The following RYR2 variants were observed in gnomAD, a reference collection of about 807,000 sequenced individuals.
RYR2 encodes ryanodine receptor 2.
Under a neutral mutation model 601.1 loss-of-function variants are expected in RYR2, and 227 were observed. That is an observed-to-expected ratio of 0.38 (90% CI 0.34 to 0.42). The LOEUF is 0.42. Among genes scored for constraint, RYR2 ranks in the 10% least tolerant of loss-of-function variants. The probability of loss-of-function intolerance (pLI) is 1.00; values close to 1 mark genes in which losing one functional copy is unlikely to be tolerated. For missense variants in RYR2, 4,646 were observed against 6,156.5 expected (o/e 0.75, Z 8.21); for synonymous variants, 2,223 against 2,175.1 (o/e 1.02, Z -0.61).
chr1:237,067,887 A>G (rs1018940530), intron 1 of RYR2, among the ~76,000 whole-genome samples: 1 of 152,284 alleles, frequency 6.6e-6, no homozygotes. Flanking sequence ...ACCTGCAGAC[A>G]TGTCAATTTC....
chr1:237,355,586 T>C (rs1699224701), intron 3 of RYR2, among the ~76,000 whole-genome samples: 1 of 152,192 alleles, frequency 6.6e-6, no homozygotes, highest in African/African-American at 2.4e-5. Context: ...TGTCTCTAAA[T>C]TGATCTTTTT....
At chr1:237,559,690 A>T (rs1350330303) in intron 27 of RYR2, among the ~76,000 whole-genome samples, 1 of 152,142 alleles carries the variant, frequency 6.6e-6, no homozygotes, top group African/African-American at 2.4e-5. Flanking sequence ...TTACCCCTTT[A>T]TGTATGGGAC....
chr1:237,270,322 G>T, intron 1 of RYR2, 175 bp from the exon 2 acceptor site: 1 of 909,834 alleles, frequency 1.1e-6, no homozygotes, highest in Non-Finnish European at 1.7e-6. Flanking sequence ...CAAATAAAAA[G>T]TACGTGAGGG....
chr1:237,091,633 C>T (rs1023263480), intron 1 of RYR2, among the ~76,000 whole-genome samples: 5 of 152,152 alleles, frequency 3.3e-5, no homozygotes, highest in African/African-American at 1.2e-4. Context: ...CCATGTTGCC[C>T]AGGCTGGTCT....
intron 1 of RYR2, among the ~76,000 whole-genome samples, chr1:237,156,593 A>G (rs1412542446): frequency 6.6e-6 from 1 of 152,220 alleles, no homozygotes; most frequent in African/African-American, 2.4e-5. Context: ...ATGCTCTCCT[A>G]TACTAAGTGG....
intron 40 of RYR2, among the ~76,000 whole-genome samples, chr1:237,627,246 C>G (rs1162095852): frequency 6.6e-6 from 1 of 152,218 alleles, no homozygotes; most frequent in South Asian, 2.1e-4. Context: ...AGTAACTTTT[C>G]GCTTTAATAT....
At chr1:237,339,929 C>G (rs545059728) in intron 3 of RYR2, among the ~76,000 whole-genome samples, 3 of 152,154 alleles carry the variant, frequency 2.0e-5, no homozygotes, top group Admixed American at 6.5e-5. Context: ...TTTATTTACT[C>G]GCAAGAGAAA....
chr1:237,421,677 C>T (rs919134968), intron 11 of RYR2, among the ~76,000 whole-genome samples: 2 of 152,064 alleles, frequency 1.3e-5, no homozygotes, highest in Non-Finnish European at 2.9e-5. Context: ...TCTGTATGAA[C>T]CCAAGTTTAT....
At chr1:237,711,682 A>T in intron 70 of RYR2, 63 bp from the exon 71 acceptor site, 2 of 785,668 alleles carry the variant, frequency 2.5e-6, no homozygotes, top group Non-Finnish European at 4.4e-6. Flanking sequence ...GGTTCTGTGT[A>T]ACCTCTAATT....
intron 1 of RYR2, among the ~76,000 whole-genome samples, chr1:237,119,407 T>G (rs1315849030): frequency 6.6e-6 from 1 of 152,174 alleles, no homozygotes; most frequent in Non-Finnish European, 1.5e-5. Flanking sequence ...TTGGGAAAAC[T>G]GCATGTGTGT....
chr1:237,591,515 T>C (rs141222406), intron 31 of RYR2, among the ~76,000 whole-genome samples: 3 of 152,010 alleles, frequency 2.0e-5, no homozygotes, highest in African/African-American at 4.8e-5. Context: ...ACCTTGGACA[T>C]TGAAGGATGC....
At chr1:237,056,950 T>C (rs1282020659) in intron 1 of RYR2, among the ~76,000 whole-genome samples, 3 of 152,322 alleles carry the variant, frequency 2.0e-5, no homozygotes, top group East Asian at 3.9e-4. Flanking sequence ...AGCTGAGAGA[T>C]AATACATTTC....
chr1:237,242,198 T>TTTTTTTG (rs928421124), intron 1 of RYR2, among the ~76,000 whole-genome samples: 31 of 150,612 alleles, frequency 2.1e-4, no homozygotes, highest in African/African-American at 7.6e-4. Flanking sequence ...TCACTGTTTT[T>TTTTTTTG]TTTGTTTGTT....
At chr1:237,798,744 C>T (rs1659582012) in intron 97 of RYR2, among the ~76,000 whole-genome samples, 4 of 151,258 alleles carry the variant, frequency 2.6e-5, no homozygotes, top group Admixed American at 2.6e-4. Context: ...TGTTTCTAAA[C>T]CAGTTGAGTT....
intron 2 of RYR2, among the ~76,000 whole-genome samples, chr1:237,305,257 G>C (rs1693758054): frequency 6.6e-6 from 1 of 152,174 alleles, no homozygotes; most frequent in South Asian, 2.1e-4. Context: ...AGAAGAAATT[G>C]AGCTATAGTC....
At chr1:237,682,637 G>A (rs1685992665) in intron 62 of RYR2, among the ~76,000 whole-genome samples, 1 of 152,120 alleles carries the variant, frequency 6.6e-6, no homozygotes, top group South Asian at 2.1e-4. Flanking sequence ...TTATATCATG[G>A]TCTTATGGGA....
intron 41 of RYR2, among the ~76,000 whole-genome samples, 157 bp downstream of exon 41, chr1:237,628,237 T>C (rs1390072871): frequency 6.6e-6 from 1 of 152,212 alleles, no homozygotes; most frequent in Non-Finnish European, 1.5e-5. Flanking sequence ...ATTATTATCA[T>C]ACTTTAAGTT....
chr1:237,060,106 C>G (rs1346220314), intron 1 of RYR2, among the ~76,000 whole-genome samples: 3 of 152,112 alleles, frequency 2.0e-5, no homozygotes, highest in Non-Finnish European at 4.4e-5. Flanking sequence ...CTACATTTTT[C>G]TATTTTATTC....
intron 10 of RYR2, among the ~76,000 whole-genome samples, chr1:237,394,190 A>G (rs971602868): frequency 9.2e-5 from 14 of 152,204 alleles, no homozygotes; most frequent in Non-Finnish European, 1.8e-4. Flanking sequence ...AAATTTCCAG[A>G]TGCCTTTATG....
Sources: allele counts gnomAD v4.1 joint callset (sites outside exome capture counted in the v4.1 genomes callset), GRCh38; gene constraint gnomAD v4.1.1; transcripts MANE v1.5; gene names NCBI Gene and HGNC (gene_info 2026-07-23, HGNC 2026-07-21).